The following PRKCH variants were observed in gnomAD, a reference collection of about 807,000 sequenced individuals.
PRKCH encodes protein kinase C eta type.
Under a neutral mutation model 82.5 loss-of-function variants are expected in PRKCH, and 28 were observed. The ratio of observed to expected loss-of-function variants is 0.34; its 90% confidence interval spans 0.25 to 0.47. The LOEUF (loss-of-function observed/expected upper bound fraction) is 0.47. Ranked by LOEUF, PRKCH falls within the 20% of genes least tolerant of loss-of-function variation. The pLI is 1.00. For missense variants in PRKCH, 705 were observed against 881.8 expected, an observed-to-expected ratio of 0.80 and a Z score of 2.54; for synonymous variants, 322 against 327.4, an observed-to-expected ratio of 0.98 and a Z score of 0.18.
At chr14:61,215,005 C>T (rs2044607020) in intron 1 of PRKCH, among the ~76,000 whole-genome samples, 1 of 152,166 alleles carries the variant, frequency 6.6e-6, no homozygotes, top group Non-Finnish European at 1.5e-5. Flanking sequence ...TTATTAATCT[C>T]TGTGCCAATT....
At chr14:61,334,610 A>G (rs2045830472) in intron 1 of PRKCH, among the ~76,000 whole-genome samples, 1 of 152,160 alleles carries the variant, frequency 6.6e-6, no homozygotes, top group Admixed American at 6.5e-5. Context: ...GTGGAAAAAC[A>G]GTGGAGGGTG....
At chr14:61,544,546 C>T (rs1383107671) in intron 12 of PRKCH, 3 of 152,138 alleles carry the variant, frequency 2.0e-5, no homozygotes, top group East Asian at 1.9e-4. Flanking sequence ...TGTCTCTGAG[C>T]GTTAGATGGC....
At chr14:61,422,902 C>T (rs923160197) in intron 2 of PRKCH, among the ~76,000 whole-genome samples, 3 of 152,146 alleles carry the variant, frequency 2.0e-5, no homozygotes, top group African/African-American at 4.8e-5. Context: ...CATACTTGAT[C>T]TCATTCATGC....
At chr14:61,232,661 T>A (rs2044753741) in intron 1 of PRKCH, among the ~76,000 whole-genome samples, 1 of 152,224 alleles carries the variant, frequency 6.6e-6, no homozygotes, top group Non-Finnish European at 1.5e-5. Flanking sequence ...TCTGTTCCCC[T>A]TCTTTGATGC....
At chr14:61,296,335 G>A (rs1314249897) in intron 1 of PRKCH, among the ~76,000 whole-genome samples, 1 of 152,044 alleles carries the variant, frequency 6.6e-6, no homozygotes, top group African/African-American at 2.4e-5. Context: ...AGCTCCTCGG[G>A]GGATCGGCTA....
chr14:61,385,250 A>G (rs1470660609), intron 1 of PRKCH, among the ~76,000 whole-genome samples: 3 of 151,094 alleles, frequency 2.0e-5, no homozygotes, highest in African/African-American at 7.4e-5. Flanking sequence ...AGCCAATGAC[A>G]TAGGTAGCCT....
At chr14:61,544,046 CCTT>C (rs1422731278) in intron 12 of PRKCH, 1 of 152,366 alleles carries the variant, frequency 6.6e-6, no homozygotes, top group Non-Finnish European at 1.5e-5. Flanking sequence ...CCCGGACCCT[CCTT>C]CTCCCGGTCC....
intron 12 of PRKCH, among the ~76,000 whole-genome samples, chr14:61,546,571 C>G (rs1038720264): frequency 6.6e-6 from 1 of 152,226 alleles, no homozygotes; most frequent in African/African-American, 2.4e-5. Context: ...CCTCTGGACA[C>G]CTGGCATGGC....
At chr14:61,266,779 G>C (rs1227848978) in intron 1 of PRKCH, among the ~76,000 whole-genome samples, 1 of 152,168 alleles carries the variant, frequency 6.6e-6, no homozygotes, top group Non-Finnish European at 1.5e-5. Context: ...GCTAATAGAG[G>C]CCCTAAAACT....
intron 1 of PRKCH, among the ~76,000 whole-genome samples, chr14:61,275,406 A>T (rs372425678): frequency 6.3e-4 from 96 of 152,348 alleles, no homozygotes; most frequent in African/African-American, 2.1e-3. Flanking sequence ...ACAAAGTATC[A>T]TTATTAATGA....
At chr14:61,264,960 G>A (rs1032079647) in intron 1 of PRKCH, among the ~76,000 whole-genome samples, 1 of 152,136 alleles carries the variant, frequency 6.6e-6, no homozygotes, top group Non-Finnish European at 1.5e-5. Flanking sequence ...ATTGAAGTAG[G>A]AAGATGTTTA....
At chr14:61,402,269 A>G (rs184368329) in intron 2 of PRKCH, among the ~76,000 whole-genome samples, 3 of 152,214 alleles carry the variant, frequency 2.0e-5, no homozygotes, top group African/African-American at 7.2e-5. Context: ...AGGTAGACTC[A>G]TGTATATTAA....
In PRKCH at chr14:61,492,679, G is replaced by A. The variant is rs576092178; in HGVS notation, c.1433+7023G>A. On this transcript the variant is annotated intron_variant, in intron 10 of 13. Transcript: ENST00000332981. Reference sequence around the variant, plus strand: ...ATTTCCTGAGCTGCCACCTAGTGCCGGATGTTGCATTAGGAGGTGTAGATA... The same window carrying A: ...ATTTCCTGAGCTGCCACCTAGTGCCAGATGTTGCATTAGGAGGTGTAGATA... Among the ~76,000 whole-genome samples the A allele has an allele frequency of 7.9e-5, 12 of 152,328 alleles. No individual in the cohort carries two copies. In the East Asian group the frequency reaches 2.1e-3, roughly 27 times the overall value.
intron 9 of PRKCH, among the ~76,000 whole-genome samples, chr14:61,463,607 A>G (rs1462722795): frequency 6.6e-6 from 1 of 152,226 alleles, no homozygotes; most frequent in East Asian, 1.9e-4. Context: ...CACAAAATGT[A>G]TACTCCTGGA....
chr14:61,549,828 A>T lies in PRKCH; in HGVS notation c.2049A>T (p.Pro683=). Residue 683 remains proline, a synonymous_variant, in exon 14 of 14, where the codon CCA becomes CCT. Coordinates refer to ENST00000332981, the MANE Select transcript of PRKCH (RefSeq NM_006255.5). ...NFSYVSPELQ[P] is the part of the protein sequence containing the mutation. The stretch of plus-strand genomic sequence containing the variant: ...CCTATGTGTCTCCAGAATTGCAACC[A>T]TAGCCTTATGGGGAGTGAGAGAGAG... The T allele has an allele frequency of 1.2e-6, 2 of 1,613,862 alleles. No homozygotes were observed. Among genetic ancestry groups the T allele is most frequent in the Non-Finnish European group, 8.5e-7 (1 of 1,179,934 alleles).
chr14:61,369,552 T>C (rs2046340100), intron 1 of PRKCH, among the ~76,000 whole-genome samples: 1 of 152,114 alleles, frequency 6.6e-6, no homozygotes, highest in Admixed American at 6.5e-5. Context: ...CCAGCCTTGA[T>C]TTCCTATTTC....
Position 61,280,712 on chromosome 14 carries a change from C to T in PRKCH, c.-19+93044C>T. 6.3e-7 allele frequency: 1 copy of T among 1,579,388 alleles called. No homozygotes were observed. Among genetic ancestry groups the T allele is most frequent in the Non-Finnish European group, 8.6e-7 (1 of 1,166,232 alleles). On this transcript the variant is annotated intron_variant, in intron 1 of 3. Transcript: ENST00000555185. This position sits in a 1 kb window ranked among gnomAD's most constrained non-coding sequence, Gnocchi z 5.0. Reference sequence around the variant, plus strand: ...GCGCTGCGCTGGTAGGGGGCGCACTCGTTGACAGGGTGGCGCAGCGCGCTG... The same window carrying T: ...GCGCTGCGCTGGTAGGGGGCGCACTTGTTGACAGGGTGGCGCAGCGCGCTG...
chr14:61,195,860 C>T (rs182756989), intron 1 of PRKCH, among the ~76,000 whole-genome samples: 1 of 152,054 alleles, frequency 6.6e-6, no homozygotes, highest in African/African-American at 2.4e-5. Context: ...GGATCAAGGC[C>T]CCACCCTTAC....
intron 2 of PRKCH, among the ~76,000 whole-genome samples, chr14:61,395,338 G>A (rs1023255675): frequency 1.5e-5 from 2 of 136,120 alleles, no homozygotes; most frequent in African/African-American, 2.6e-5. Context: ...ACCTGGACCT[G>A]GCACTGAGAG....
Sources: gnomAD v4.1 joint callset for allele counts (sites outside exome capture counted in the v4.1 genomes callset) on GRCh38, gnomAD v4.1.1 for gene constraint, Gnocchi (gnomAD v3.1) non-coding constraint, MANE v1.5 for transcripts, NCBI Gene and HGNC (gene_info 2026-07-23, HGNC 2026-07-21) for gene names.